The following CDK6 variants were observed in gnomAD, a reference collection of about 807,000 sequenced individuals.
CDK6 encodes the protein cyclin dependent kinase 6.
In CDK6, 6 loss-of-function variants were observed where a neutral mutation model predicts 37.1. That is an observed-to-expected ratio of 0.16 (90% CI 0.09 to 0.32). The LOEUF is 0.32. Ranked by LOEUF, CDK6 falls within the 10% of genes least tolerant of loss-of-function variation. The pLI is 1.00. For synonymous variants in CDK6, 160 were observed against 161.3 expected (o/e 0.99, Z 0.06); for missense variants, 224 against 418.9 (o/e 0.53, Z 4.06).
intron 4 of CDK6, among the ~76,000 whole-genome samples, chr7:92,693,447 C>T (rs1797640277): frequency 6.6e-6 from 1 of 152,244 alleles, no homozygotes; most frequent in Non-Finnish European, 1.5e-5. Context: ...CTCTCAGGAC[C>T]AACTGGTAGG....
intron 5 of CDK6, among the ~76,000 whole-genome samples, chr7:92,656,389 T>G (rs1463843090): frequency 3.9e-5 from 6 of 152,100 alleles, no homozygotes; most frequent in African/African-American, 1.4e-4. Context: ...TGGAGTTACT[T>G]GGTTTGTCAC....
At chr7:92,615,591 G>C (rs1795659188) in intron 7 of CDK6, among the ~76,000 whole-genome samples, 1 of 152,202 alleles carries the variant, frequency 6.6e-6, no homozygotes, top group Non-Finnish European at 1.5e-5. Flanking sequence ...AGCAAACTTA[G>C]TGCTACAGTC....
chr7:92,683,248 T>G (rs1797376171), intron 4 of CDK6, among the ~76,000 whole-genome samples: 1 of 152,220 alleles, frequency 6.6e-6, no homozygotes, highest in Non-Finnish European at 1.5e-5. Context: ...ACATTATTAC[T>G]CAGATTTGTA....
chr7:92,753,991 T>C (rs1688247928), intron 3 of CDK6, among the ~76,000 whole-genome samples: 1 of 152,176 alleles, frequency 6.6e-6, no homozygotes, highest in South Asian at 2.1e-4. Flanking sequence ...ACATATACAA[T>C]GAGGGTCTCA....
chr7:92,708,715 A>G (rs1024946658), intron 4 of CDK6, among the ~76,000 whole-genome samples: 4 of 152,250 alleles, frequency 2.6e-5, no homozygotes, highest in Non-Finnish European at 5.9e-5. Context: ...CTGAATTACA[A>G]TTGGGATAAA....
intron 7 of CDK6, among the ~76,000 whole-genome samples, 183 bp downstream of exon 7, chr7:92,617,887 GCC>G (rs1416753287): frequency 6.6e-6 from 1 of 152,208 alleles, no homozygotes; most frequent in Non-Finnish European, 1.5e-5. Flanking sequence ...AGAATCAAAA[GCC>G]ACCAGCTGCT....
At chr7:92,832,338 C>T (rs3731264) in intron 2 of CDK6, among the ~76,000 whole-genome samples, 1,815 of 152,302 alleles carry the variant, frequency 0.012, 18 homozygotes, top group Non-Finnish European at 0.019. Context: ...AAAGCATGGG[C>T]AGAACATTTA....
chr7:92,777,855 T>A (rs534215545), intron 2 of CDK6, among the ~76,000 whole-genome samples: 1 of 152,316 alleles, frequency 6.6e-6, no homozygotes, highest in South Asian at 2.1e-4. Context: ...TGATTCTTTG[T>A]GTCCATGAGC....
At chr7:92,741,774 A>G (rs892405529) in intron 3 of CDK6, among the ~76,000 whole-genome samples, 7 of 152,222 alleles carry the variant, frequency 4.6e-5, no homozygotes, top group African/African-American at 1.7e-4. Flanking sequence ...CCACAGAAAC[A>G]GACGGCATAG....
chr7:92,774,215 AG>A (rs1260104652), intron 3 of CDK6, among the ~76,000 whole-genome samples: 2 of 152,172 alleles, frequency 1.3e-5, no homozygotes, highest in African/African-American at 2.4e-5. Flanking sequence ...AGAAAAATGA[AG>A]AAAGAAGGAG....
intron 3 of CDK6, among the ~76,000 whole-genome samples, chr7:92,740,994 G>T (rs1285731736): frequency 6.6e-6 from 1 of 152,104 alleles, no homozygotes; most frequent in Non-Finnish European, 1.5e-5. Flanking sequence ...AGGAATTCAG[G>T]CTACAAAACC....
At chr7:92,732,045 C>T (rs1798662436) in intron 3 of CDK6, among the ~76,000 whole-genome samples, 1 of 152,242 alleles carries the variant, frequency 6.6e-6, no homozygotes, top group African/African-American at 2.4e-5. Context: ...TCATTCTATA[C>T]ACATTGTTTT....
intron 5 of CDK6, among the ~76,000 whole-genome samples, chr7:92,659,241 G>A (rs1796779117): frequency 6.6e-6 from 1 of 152,252 alleles, no homozygotes; most frequent in South Asian, 2.1e-4. Flanking sequence ...TGTGGCTACT[G>A]AGCACTTGAA....
intron 4 of CDK6, among the ~76,000 whole-genome samples, chr7:92,679,264 TG>T (rs549107584): frequency 1.5e-3 from 235 of 152,342 alleles, no homozygotes; most frequent in Non-Finnish European, 2.6e-3. Context: ...AGAAGATGTT[TG>T]GACTGGGTAA....
intron 4 of CDK6, among the ~76,000 whole-genome samples, chr7:92,703,143 C>T (rs1288820710): frequency 6.6e-6 from 1 of 152,108 alleles, no homozygotes; most frequent in Non-Finnish European, 1.5e-5. Context: ...TCAAAAATGC[C>T]CATGGTCACT....
At chr7:92,699,297 C>T (rs1213357444) in intron 4 of CDK6, among the ~76,000 whole-genome samples, 5 of 152,250 alleles carry the variant, frequency 3.3e-5, no homozygotes, top group African/African-American at 1.2e-4. Flanking sequence ...TACTCTAGAC[C>T]TCGATTAAGT....
intron 5 of CDK6, among the ~76,000 whole-genome samples, chr7:92,625,494 T>G (rs1009487523): frequency 2.0e-5 from 3 of 151,616 alleles, no homozygotes; most frequent in Admixed American, 1.3e-4. Context: ...GATTAATTAA[T>G]TCTGAATTGG....
intron 4 of CDK6, among the ~76,000 whole-genome samples, chr7:92,718,014 T>G (rs1798272501): frequency 6.6e-6 from 1 of 152,152 alleles, no homozygotes; most frequent in Admixed American, 6.5e-5. Flanking sequence ...TTTTCATGTT[T>G]GTTTTGGCTC....
At chr7:92,791,511 C>T (rs1024830146) in intron 2 of CDK6, among the ~76,000 whole-genome samples, 6 of 152,178 alleles carry the variant, frequency 3.9e-5, no homozygotes, top group African/African-American at 1.2e-4. Context: ...CTCAGACCAA[C>T]ACTGCAAAGC....
Sources: gnomAD v4.1 joint callset for allele counts (sites outside exome capture counted in the v4.1 genomes callset) on GRCh38, gnomAD v4.1.1 for gene constraint, MANE v1.5 for transcripts, NCBI Gene and HGNC (gene_info 2026-07-23, HGNC 2026-07-21) for gene names.